ROBO1: variants seen among roughly 807,000 people sequenced by gnomAD.
The protein encoded by ROBO1 is roundabout homolog 1.
A neutral mutation model predicts 195.9 loss-of-function variants in ROBO1; 149 were observed. The ratio of observed to expected loss-of-function variants is 0.76; its 90% CI spans 0.67 to 0.87. ROBO1 has a LOEUF of 0.87. ROBO1 is among the 40% of genes least tolerant of loss of function. The pLI, the probability that ROBO1 is intolerant of heterozygous loss-of-function variation, is 0.00. For missense variants in ROBO1, 1,933 were observed against 2,068.3 expected (o/e 0.93, Z 1.27); for synonymous variants, 816 against 733.2 (o/e 1.11, Z -1.82).
intron 1 of ROBO1, among the ~76,000 whole-genome samples, chr3:79,726,399 T>C (rs957549964): frequency 6.6e-6 from 1 of 152,190 alleles, no homozygotes; most frequent in Non-Finnish European, 1.5e-5. Flanking sequence ...ACTTTTGGAA[T>C]TGTTTTTGTA....
chr3:79,403,772 G>T (rs1416633192), intron 2 of ROBO1, among the ~76,000 whole-genome samples: 1 of 151,950 alleles, frequency 6.6e-6, no homozygotes, highest in Non-Finnish European at 1.5e-5. Flanking sequence ...GAAAAAAAAT[G>T]ATGTAGACTC....
At chr3:78,748,579 G>T (rs977252710) in intron 4 of ROBO1, among the ~76,000 whole-genome samples, 21 of 152,072 alleles carry the variant, frequency 1.4e-4, no homozygotes, top group Non-Finnish European at 2.9e-4. Flanking sequence ...GTGCTTTCAT[G>T]GATGAAGTAC....
chr3:79,464,238 AG>A (rs1359143840), intron 2 of ROBO1, among the ~76,000 whole-genome samples: 1 of 152,170 alleles, frequency 6.6e-6, no homozygotes, highest in Non-Finnish European at 1.5e-5. Context: ...TCTGTGTAAA[AG>A]TTTTTTGTGT....
At chr3:79,750,378 T>C (rs1704081042) in intron 1 of ROBO1, among the ~76,000 whole-genome samples, 1 of 152,210 alleles carries the variant, frequency 6.6e-6, no homozygotes, top group Non-Finnish European at 1.5e-5. Flanking sequence ...TTTGAGTTAA[T>C]GCTAAAATGA....
intron 2 of ROBO1, among the ~76,000 whole-genome samples, chr3:79,224,141 A>G: frequency 6.6e-6 from 1 of 152,214 alleles, no homozygotes; most frequent in East Asian, 1.9e-4. Context: ...CAGGTTTGAA[A>G]TTCTCAATAG....
rs374274935 is a variant in ROBO1, at chr3:79,293,980, C to T, written c.89-168441G>A. On this transcript the variant is annotated intron_variant, in intron 2 of 30. Coordinates refer to ENST00000464233, the MANE Select transcript of ROBO1 (RefSeq NM_002941.4). ...GGCTGAGGCAGGAGAATGGCGTGAA[C>T]CCGGGAGGCGGAGCTTGCAGTGAGC... 1.3e-4 allele frequency among the ~76,000 whole-genome samples: 18 copies of T among 143,916 alleles called. No homozygotes were observed. In the East Asian group the frequency reaches 2.9e-3, roughly 23 times the overall value. The allele number at this position is 143,916 out of a possible 152,430, so 94.4% of individuals were successfully genotyped here.
chr3:79,367,180 T>C (rs1480559983), intron 2 of ROBO1, among the ~76,000 whole-genome samples: 1 of 152,224 alleles, frequency 6.6e-6, no homozygotes, highest in African/African-American at 2.4e-5. Context: ...ACATCTTACA[T>C]GCAGGAAGTG....
At chr3:78,794,088 A>G (rs2084110337) in intron 4 of ROBO1, among the ~76,000 whole-genome samples, 2 of 152,206 alleles carry the variant, frequency 1.3e-5, no homozygotes, top group South Asian at 4.1e-4. Flanking sequence ...ATTCACAAAA[A>G]CACAGCAAAT....
chr3:79,165,155 T>C (rs2081039755), intron 2 of ROBO1, among the ~76,000 whole-genome samples: 1 of 152,212 alleles, frequency 6.6e-6, no homozygotes, highest in Admixed American at 6.5e-5. Flanking sequence ...CCTAGAATAG[T>C]GCCTGGCACA....
chr3:79,336,993 T>C (rs1216663571), intron 2 of ROBO1, among the ~76,000 whole-genome samples: 1 of 152,240 alleles, frequency 6.6e-6, no homozygotes, highest in Non-Finnish European at 1.5e-5. Flanking sequence ...TGGACTCTCA[T>C]GGGGCCTATA....
chr3:78,906,178 C>T (rs1253762350), intron 4 of ROBO1, among the ~76,000 whole-genome samples: 1 of 152,034 alleles, frequency 6.6e-6, no homozygotes, highest in East Asian at 1.9e-4. Flanking sequence ...GACCAGCTGT[C>T]CTCCATCTCT....
At chr3:79,697,934 A>C (rs1046641702) in intron 1 of ROBO1, among the ~76,000 whole-genome samples, 2 of 151,538 alleles carry the variant, frequency 1.3e-5, no homozygotes, top group South Asian at 4.1e-4. Flanking sequence ...AAAAATCACT[A>C]TCTTAAAAAA....
At chr3:79,374,672 A>T (rs1473807165) in intron 2 of ROBO1, among the ~76,000 whole-genome samples, 1 of 152,186 alleles carries the variant, frequency 6.6e-6, no homozygotes, top group African/African-American at 2.4e-5. Flanking sequence ...CATTGACCAC[A>T]TGTAAAATAC....
intron 3 of ROBO1, among the ~76,000 whole-genome samples, chr3:78,971,404 G>T (rs2076763346): frequency 6.6e-6 from 1 of 152,020 alleles, no homozygotes; most frequent in East Asian, 1.9e-4. Flanking sequence ...AAAAAAAGAA[G>T]TGTCCAGGAC....
At chr3:79,341,362 A>C (rs1388753265) in intron 2 of ROBO1, among the ~76,000 whole-genome samples, 1 of 152,220 alleles carries the variant, frequency 6.6e-6, no homozygotes, top group Non-Finnish European at 1.5e-5. Flanking sequence ...AGAAGATTCA[A>C]CTTTCAATTG....
chr3:79,500,741 T>C (rs1052398879), intron 2 of ROBO1, among the ~76,000 whole-genome samples: 17 of 152,158 alleles, frequency 1.1e-4, no homozygotes, highest in African/African-American at 3.9e-4. Context: ...TCTGGGTGCT[T>C]TCCATACTTG....
intron 2 of ROBO1, among the ~76,000 whole-genome samples, chr3:79,541,827 GTGTA>G (rs57662043): frequency 0.47 from 67,781 of 145,414 alleles, 15,554 homozygotes; most frequent in Non-Finnish European, 0.48. Flanking sequence ...GTGTGTGTGT[GTGTA>G]TATATATATA....
intron 2 of ROBO1, among the ~76,000 whole-genome samples, chr3:79,519,861 A>T (rs559407863): frequency 6.6e-6 from 1 of 152,076 alleles, no homozygotes; most frequent in South Asian, 2.1e-4. Context: ...CTTAAACTTC[A>T]ATTAAGAGAC....
chr3:79,373,457 G>A (rs75338172), intron 2 of ROBO1, among the ~76,000 whole-genome samples: 5,217 of 152,160 alleles, frequency 0.034, 199 homozygotes, highest in African/African-American at 0.098. Flanking sequence ...TCAATAAAAT[G>A]GGGCTAACAC....
Sources: allele counts gnomAD v4.1 joint callset (sites outside exome capture counted in the v4.1 genomes callset), GRCh38; gene constraint gnomAD v4.1.1; transcripts MANE v1.5; gene names NCBI Gene and HGNC (gene_info 2026-07-23, HGNC 2026-07-21).